Variants in STX7 observed in about 807,000 individuals in gnomAD.
STX7 encodes syntaxin-7.
In STX7, 34 loss-of-function variants were observed where a neutral mutation model predicts 39.6. The ratio of observed to expected loss-of-function variants is 0.86; its 90% CI spans 0.65 to 1.14. The LOEUF is 1.14. Ranked by LOEUF, STX7 falls within the 50% of genes most tolerant of loss-of-function variation. The probability of loss-of-function intolerance (pLI) is 0.00; values close to 1 mark genes in which losing one functional copy is unlikely to be tolerated. For synonymous variants in STX7, 119 were observed against 99.1 expected (o/e 1.20, Z -1.19); for missense variants, 284 against 310.4 (o/e 0.92, Z 0.64).
chr6:132,473,517 G>GTTTTTTTTTTTTTTTTTTTTTTTATTTT (rs752590497), intron 3 of STX7, among the ~76,000 whole-genome samples: 1 of 125,786 alleles, frequency 8.0e-6, no homozygotes, highest in Non-Finnish European at 1.7e-5. Flanking sequence ...TTATTATTGT[G>GTTTTTTTTTTTTTTTTTTTTTTTATTTT]TTGTTTTTTT....
chr6:132,493,894 G>A (rs1775356244), intron 2 of STX7, among the ~76,000 whole-genome samples: 2 of 152,158 alleles, frequency 1.3e-5, no homozygotes, highest in Non-Finnish European at 2.9e-5. Context: ...CAGTTGAGTA[G>A]CCACTACACA....
intron 8 of STX7, among the ~76,000 whole-genome samples, chr6:132,467,299 C>T (rs1562322525): frequency 6.6e-6 from 1 of 152,168 alleles, no homozygotes; most frequent in Non-Finnish European, 1.5e-5. Context: ...GCCTGGAACA[C>T]TTTCTCTTAC....
chr6:132,494,770 T>C (rs1023328166), intron 2 of STX7, among the ~76,000 whole-genome samples: 5 of 152,212 alleles, frequency 3.3e-5, no homozygotes, highest in African/African-American at 1.2e-4. Context: ...TATCTGATTA[T>C]AAAAGCCACA....
At chr6:132,495,612 G>C (rs557415044) in intron 2 of STX7, among the ~76,000 whole-genome samples, 1 of 151,736 alleles carries the variant, frequency 6.6e-6, no homozygotes, top group African/African-American at 2.4e-5. Flanking sequence ...CTCAGGACTG[G>C]AGCTCCTTTT....
Position 132,446,827 on chromosome 6 carries a change from T to C in STX7, c.*13931A>G, listed in dbSNP as rs1383502365. The C allele has an allele frequency of 6.6e-6, 1 of 152,126 alleles. No homozygotes were observed. Among genetic ancestry groups the C allele is most frequent in the Non-Finnish European group, 1.5e-5 (1 of 68,020 alleles). The allele number at this position is 152,126 out of a possible 1,614,324, so 9.4% of individuals were successfully genotyped here. A position where few individuals can be genotyped will look rare whatever the true frequency, so the allele number is the denominator to read the frequency against. ...TTTTCCCCATCTCTGAACCAATCTC[T>C]GAGGCAAAAAGAATGCTATTAGGCT... On this transcript the variant is annotated 3_prime_UTR_variant, in exon 10 of 10. Coordinates refer to ENST00000367941, the MANE Select transcript of STX7 (RefSeq NM_003569.3).
chr6:132,505,739 TAAAAAAAAAAAA>T (rs368964430), intron 1 of STX7, among the ~76,000 whole-genome samples: 3 of 60,426 alleles, frequency 5.0e-5, no homozygotes, highest in Non-Finnish European at 9.2e-5. Context: ...CCAAGTCACT[TAAAAAAAAAAAA>T]AAAAAAAAAA....
intron 9 of STX7, chr6:132,461,976 A>C: frequency 2.1e-6 from 2 of 936,686 alleles, no homozygotes. Context: ...AATAGTTTGA[A>C]TATTCCACAT....
chr6:132,447,551 AAT>A lies in STX7; in HGVS notation c.*13205_*13206del, dbSNP rs1491557865. The A allele has an allele frequency of 7.1e-6, 1 of 140,638 alleles. No homozygotes were observed. The highest frequency in any genetic ancestry group is 2.7e-4 in the East Asian group (1 of 3,734). The allele number at this position is 140,638 out of a possible 1,614,324, so 8.7% of individuals were successfully genotyped here. ...AATTGAGTGACTTCAAATACAACATAATAGTTTTTTTTTCCGTTTTGCCCTCT... is the reference window on the plus strand; with the variant it reads ...AATTGAGTGACTTCAAATACAACATAAGTTTTTTTTTCCGTTTTGCCCTCT... On this transcript the variant is annotated 3_prime_UTR_variant, in exon 10 of 10. Transcript: ENST00000367941.
At chr6:132,472,186 A>C in intron 4 of STX7, 96 bp downstream of exon 4, 6 of 866,542 alleles carry the variant, frequency 6.9e-6, no homozygotes, top group Non-Finnish European at 1.8e-6. Context: ...CCTTTCTAGC[A>C]TAATTTCCTT....
chr6:132,503,575 T>C lies in STX7; in HGVS notation c.-45A>G, dbSNP rs971159080. 1 of 1,458,838 alleles carries C rather than the reference T, an allele frequency of 6.9e-7. No individual in the cohort carries two copies. Among genetic ancestry groups the C allele is most frequent in the Non-Finnish European group, 9.6e-7 (1 of 1,041,208 alleles). The allele number at this position is 1,458,838 out of a possible 1,614,324, so 90.4% of individuals were successfully genotyped here. On this transcript the variant is annotated 5_prime_UTR_variant, in exon 2 of 10. Transcript: ENST00000367941. ...TAATTTCATCAGATGCTGTGCAGTT[T>C]TCTAAGCAGTCACCTAAATAATATA...
intron 2 of STX7, among the ~76,000 whole-genome samples, chr6:132,484,030 G>C: frequency 6.6e-6 from 1 of 151,022 alleles, no homozygotes; most frequent in East Asian, 1.9e-4. Flanking sequence ...ACCATAAAAA[G>C]AATTAAGAAT....
At chr6:132,507,230 A>G (rs759459081) in intron 1 of STX7, among the ~76,000 whole-genome samples, 2 of 152,218 alleles carry the variant, frequency 1.3e-5, no homozygotes, top group Non-Finnish European at 2.9e-5. Context: ...AAAAGCCCAG[A>G]CTTCACGCTA....
At chr6:132,505,352 ACAGCT>A (rs1318040101) in intron 1 of STX7, among the ~76,000 whole-genome samples, 1 of 152,186 alleles carries the variant, frequency 6.6e-6, no homozygotes, top group Non-Finnish European at 1.5e-5. Context: ...AGGAAGTACA[ACAGCT>A]GAACTGTTGA....
intron 5 of STX7, 140 bp downstream of exon 5, chr6:132,471,323 C>A: frequency 1.0e-6 from 1 of 985,242 alleles, no homozygotes; most frequent in Non-Finnish European, 1.4e-6. Flanking sequence ...AGCAGGAAAG[C>A]ATAAAAATAA....
At chr6:132,486,214 T>C (rs992765143) in intron 2 of STX7, among the ~76,000 whole-genome samples, 12 of 152,192 alleles carry the variant, frequency 7.9e-5, no homozygotes, top group Non-Finnish European at 1.5e-4. Context: ...ATATTATCCA[T>C]CTGCACTAGA....
chr6:132,495,118 A>G (rs1168780699), intron 2 of STX7, among the ~76,000 whole-genome samples: 1 of 152,208 alleles, frequency 6.6e-6, no homozygotes, highest in Admixed American at 6.5e-5. Context: ...TGGTTCACAG[A>G]TAGGAGAGTG....
chr6:132,507,723 G>A (rs929177542), intron 1 of STX7, among the ~76,000 whole-genome samples: 1 of 152,034 alleles, frequency 6.6e-6, no homozygotes, highest in Non-Finnish European at 1.5e-5. Flanking sequence ...TTTTCTCTTG[G>A]TTCAATGACA....
rs116394137 is a variant in STX7, at chr6:132,495,728, C to T, written c.85+7718G>A. On this transcript the variant is annotated intron_variant, in intron 2 of 9. Coordinates refer to ENST00000367941, the MANE Select transcript of STX7 (RefSeq NM_003569.3). ...AAAAACAAGTGTCCCCTTCACCAGACCCTAACTAATTAAAAGAACTGTGAT... is the reference window on the plus strand; with the variant it reads ...AAAAACAAGTGTCCCCTTCACCAGATCCTAACTAATTAAAAGAACTGTGAT... Among the ~76,000 whole-genome samples, 621 of 152,110 alleles carry T rather than the reference C, an allele frequency of 4.1e-3. 6 individuals carry two copies. Among genetic ancestry groups the T allele is most frequent in the African/African-American group, 0.014 (592 of 41,496 alleles).
intron 1 of STX7, among the ~76,000 whole-genome samples, chr6:132,504,332 A>C (rs1297707809): frequency 2.0e-5 from 3 of 151,812 alleles, no homozygotes; most frequent in Admixed American, 2.0e-4. Context: ...AGAACGAATG[A>C]CTCTCCCCTT....
Sources: gnomAD v4.1 joint callset for allele counts (sites outside exome capture counted in the v4.1 genomes callset) on GRCh38, gnomAD v4.1.1 for gene constraint, MANE v1.5 for transcripts, NCBI Gene and HGNC (gene_info 2026-07-23, HGNC 2026-07-21) for gene names.